The following SORCS3 variants were observed in gnomAD, a reference collection of about 807,000 sequenced individuals.
SORCS3 encodes the protein sortilin related VPS10 domain containing receptor 3.
Under a neutral mutation model 146.3 loss-of-function variants are expected in SORCS3, and 57 were observed. The observed-to-expected ratio is 0.39, with a 90% CI of 0.31 to 0.49. The LOEUF (loss-of-function observed/expected upper bound fraction) is 0.49, where lower values mean the gene tolerates loss of function less well. SORCS3 is among the 20% of genes least tolerant of loss of function. The pLI, the probability that SORCS3 is intolerant of heterozygous loss-of-function variation, is 0.92. For missense variants in SORCS3, 1,341 were observed against 1,575.5 expected, an observed-to-expected ratio of 0.85 and a Z score of 2.52; for synonymous variants, 653 against 618.5, an observed-to-expected ratio of 1.06 and a Z score of -0.83.
chr10:104,647,183 C>T (rs1309143883), intron 1 of SORCS3, among the ~76,000 whole-genome samples: 3 of 152,154 alleles, frequency 2.0e-5, no homozygotes, highest in African/African-American at 7.2e-5. Context: ...ATTAGCCTGG[C>T]ATTCAAGGCT....
intron 4 of SORCS3, among the ~76,000 whole-genome samples, chr10:105,018,427 G>A (rs1258112234): frequency 1.3e-5 from 2 of 152,132 alleles, no homozygotes; most frequent in Non-Finnish European, 2.9e-5. Flanking sequence ...AGATCTCAAG[G>A]TTGGGGAGAG....
At chr10:104,865,581 G>C (rs186753994) in intron 2 of SORCS3, among the ~76,000 whole-genome samples, 3 of 152,302 alleles carry the variant, frequency 2.0e-5, no homozygotes, top group African/African-American at 7.2e-5. Flanking sequence ...AAGATCCCAA[G>C]AGTCCAGTAT....
intron 2 of SORCS3, among the ~76,000 whole-genome samples, chr10:104,877,890 T>C (rs2018592776): frequency 3.3e-5 from 5 of 152,190 alleles, no homozygotes; most frequent in Admixed American, 3.3e-4. Context: ...AAAACTAGTT[T>C]TCTTATGAGG....
intron 20 of SORCS3, among the ~76,000 whole-genome samples, chr10:105,228,715 C>G (rs571114539): frequency 2.6e-5 from 4 of 152,214 alleles, no homozygotes; most frequent in Admixed American, 1.3e-4. Context: ...TAAATCCACT[C>G]TTGGTTGAAT....
intron 4 of SORCS3, among the ~76,000 whole-genome samples, chr10:105,026,931 A>G (rs1431800753): frequency 2.6e-5 from 4 of 152,210 alleles, no homozygotes; most frequent in Non-Finnish European, 4.4e-5. Flanking sequence ...TCAGCATCAC[A>G]CAGTATACCC....
chr10:104,819,978 G>A (rs1438096553), intron 1 of SORCS3, among the ~76,000 whole-genome samples: 3 of 152,144 alleles, frequency 2.0e-5, no homozygotes, highest in Non-Finnish European at 4.4e-5. Flanking sequence ...TGGAAAGTTG[G>A]CTTGAGGTTG....
At chr10:104,853,414 C>A (rs2018295480) in intron 2 of SORCS3, among the ~76,000 whole-genome samples, 1 of 152,158 alleles carries the variant, frequency 6.6e-6, no homozygotes, top group Non-Finnish European at 1.5e-5. Context: ...CTAACTTAAG[C>A]AAGATATAGG....
intron 2 of SORCS3, among the ~76,000 whole-genome samples, chr10:104,890,394 T>C (rs574637916): frequency 1.1e-4 from 17 of 152,176 alleles, no homozygotes; most frequent in Non-Finnish European, 1.6e-4. Context: ...AGAAAAAACT[T>C]ATTTTTTCTA....
intron 15 of SORCS3, among the ~76,000 whole-genome samples, chr10:105,200,725 C>T (rs1005177137): frequency 6.6e-6 from 1 of 151,994 alleles, no homozygotes; most frequent in Non-Finnish European, 1.5e-5. Flanking sequence ...ACTTCAATTT[C>T]CCTCTGAAGA....
intron 1 of SORCS3, 54 bp downstream of exon 1, chr10:104,642,008 G>T (rs1208578229): frequency 2.8e-6 from 4 of 1,430,868 alleles, no homozygotes; most frequent in Non-Finnish European, 3.7e-6. Context: ...GAAGGGGAAT[G>T]GGGGGGTGGG....
intron 4 of SORCS3, among the ~76,000 whole-genome samples, chr10:104,989,250 C>G (rs905432758): frequency 6.6e-6 from 1 of 152,206 alleles, no homozygotes; most frequent in Non-Finnish European, 1.5e-5. Context: ...ATTTGAAGTA[C>G]TGACAGGTAT....
At chr10:104,710,338 C>A (rs1052902512) in intron 1 of SORCS3, among the ~76,000 whole-genome samples, 3 of 152,264 alleles carry the variant, frequency 2.0e-5, no homozygotes, top group Admixed American at 1.3e-4. Flanking sequence ...TGGGGAAGGA[C>A]CTTTGCTTCA....
intron 6 of SORCS3, among the ~76,000 whole-genome samples, chr10:105,097,099 G>A (rs1029050667): frequency 2.0e-5 from 3 of 152,162 alleles, no homozygotes; most frequent in African/African-American, 7.2e-5. Context: ...GTTGTGTGGT[G>A]TGGCATTGAC....
At chr10:104,923,224 C>T (rs188929248) in intron 3 of SORCS3, among the ~76,000 whole-genome samples, 1 of 152,192 alleles carries the variant, frequency 6.6e-6, no homozygotes, top group Non-Finnish European at 1.5e-5. Context: ...TTTGCAGTAC[C>T]ATGTGATGAT....
chr10:105,057,717 A>G (rs1163771546), intron 5 of SORCS3, among the ~76,000 whole-genome samples: 1 of 152,218 alleles, frequency 6.6e-6, no homozygotes, highest in African/African-American at 2.4e-5. Context: ...TTGTTCTCAA[A>G]GAGATGCCTA....
chr10:104,861,366 C>T (rs976769223), intron 2 of SORCS3, among the ~76,000 whole-genome samples: 12 of 152,160 alleles, frequency 7.9e-5, no homozygotes, highest in Admixed American at 5.9e-4. Flanking sequence ...TTTCTCATGT[C>T]TAAAGTACAA....
chr10:104,973,810 C>T (rs2054876817), intron 3 of SORCS3, among the ~76,000 whole-genome samples: 1 of 145,334 alleles, frequency 6.9e-6, no homozygotes, highest in African/African-American at 2.7e-5. Context: ...TTGGATCTTT[C>T]CTGCTTTCTC....
intron 1 of SORCS3, among the ~76,000 whole-genome samples, chr10:104,765,113 G>A (rs2017164433): frequency 6.6e-6 from 1 of 152,174 alleles, no homozygotes; most frequent in Non-Finnish European, 1.5e-5. Flanking sequence ...TTAGGTCTGT[G>A]GGAGTGCCCT....
intron 22 of SORCS3, 29 bp downstream of exon 22, chr10:105,247,360 C>G: frequency 3.0e-6 from 4 of 1,313,370 alleles, no homozygotes; most frequent in Non-Finnish European, 4.4e-6. Context: ...TTTTTAAGTT[C>G]TTGTGAATAA....
Sources: gnomAD v4.1 joint callset for allele counts (sites outside exome capture counted in the v4.1 genomes callset) on GRCh38, gnomAD v4.1.1 for gene constraint, MANE v1.5 for transcripts, NCBI Gene and HGNC (gene_info 2026-07-23, HGNC 2026-07-21) for gene names.